Variants in SH3GL2 observed in about 807,000 individuals in gnomAD.
SH3GL2 encodes SH3 domain containing GRB2 like 2, endophilin A1, also known as endophilin-A1.
In SH3GL2, 24 loss-of-function variants were observed where a neutral mutation model predicts 46.0. That is an observed-to-expected ratio of 0.52 (90% CI 0.38 to 0.73). SH3GL2 has a LOEUF of 0.73. SH3GL2 is among the 30% of genes least tolerant of loss of function. The pLI, the probability that SH3GL2 is intolerant of heterozygous loss-of-function variation, is 0.00. For synonymous variants in SH3GL2, 196 were observed against 147.1 expected (o/e 1.33, Z -2.40); for missense variants, 413 against 424.2 (o/e 0.97, Z 0.23).
chr9:17,795,352 TG>T (rs1386827666), intron 8 of SH3GL2, among the ~76,000 whole-genome samples, 191 bp from the exon 9 acceptor site: 2 of 152,072 alleles, frequency 1.3e-5, no homozygotes, highest in East Asian at 3.9e-4. Context: ...TTCTGAGGAT[TG>T]GTAGAGGGCA....
At chr9:17,641,760 G>C (rs1028063431) in intron 1 of SH3GL2, among the ~76,000 whole-genome samples, 2 of 152,152 alleles carry the variant, frequency 1.3e-5, no homozygotes, top group African/African-American at 4.8e-5. Flanking sequence ...TCCCTGCAAA[G>C]GATATGAACT....
chr9:17,688,283 G>T (rs1005885951), intron 1 of SH3GL2, among the ~76,000 whole-genome samples: 2 of 151,912 alleles, frequency 1.3e-5, no homozygotes, highest in Non-Finnish European at 2.9e-5. Flanking sequence ...TTGCCTTTTG[G>T]GGAGTTATTT....
At chr9:17,787,246 T>C in intron 4 of SH3GL2, 134 bp from the exon 5 acceptor site, 1 of 683,902 alleles carries the variant, frequency 1.5e-6, no homozygotes, top group Non-Finnish European at 2.6e-6. Flanking sequence ...GAACTGAAGA[T>C]ACCTATTCTC....
Position 17,583,975 on chromosome 9 carries a change from C to A in SH3GL2, c.45+4688C>A, listed in dbSNP as rs137993102. On this transcript the variant is annotated intron_variant, in intron 1 of 8. Coordinates refer to ENST00000380607, the MANE Select transcript of SH3GL2 (RefSeq NM_003026.5). ...TTCTTAATTGCCTCTAAGCAGTCAA[C>A]TCTCTGCTGCCTTTAAAATCTTGGC... Among the ~76,000 whole-genome samples the A allele has an allele frequency of 6.2e-3, 939 of 152,306 alleles. 4 individuals carry two copies. Among genetic ancestry groups the A allele is most frequent in the Middle Eastern group, 0.027 (8 of 294 alleles).
intron 1 of SH3GL2, among the ~76,000 whole-genome samples, chr9:17,619,347 A>G (rs1440012697): frequency 1.3e-5 from 2 of 152,174 alleles, no homozygotes; most frequent in African/African-American, 4.8e-5. Flanking sequence ...AATATTTTCA[A>G]AAAACCTGAT....
intron 1 of SH3GL2, among the ~76,000 whole-genome samples, chr9:17,679,347 C>T (rs1395491862): frequency 1.3e-5 from 2 of 152,170 alleles, no homozygotes; most frequent in East Asian, 3.8e-4. Flanking sequence ...AGGTCCTTCA[C>T]ATCCCTTGTA....
At chr9:17,758,561 C>CAAAAAAAAAAA (rs57019804) in intron 2 of SH3GL2, among the ~76,000 whole-genome samples, 759 of 29,216 alleles carry the variant, frequency 0.026, 233 homozygotes, top group East Asian at 0.099. Context: ...GACCCTGTCT[C>CAAAAAAAAAAA]AAAAAAAAAA....
At chr9:17,584,948 T>C (rs1588155981) in intron 1 of SH3GL2, among the ~76,000 whole-genome samples, 1 of 152,228 alleles carries the variant, frequency 6.6e-6, no homozygotes, top group African/African-American at 2.4e-5. Flanking sequence ...TTGGTTTCAG[T>C]CTACTTAGAA....
At chr9:17,594,128 G>C (rs1818530787) in intron 1 of SH3GL2, among the ~76,000 whole-genome samples, 1 of 152,090 alleles carries the variant, frequency 6.6e-6, no homozygotes, top group Non-Finnish European at 1.5e-5. Context: ...GCTCCTTATG[G>C]CTCCCAGGAT....
chr9:17,679,397 T>G (rs200570536), intron 1 of SH3GL2, among the ~76,000 whole-genome samples: 7 of 152,126 alleles, frequency 4.6e-5, no homozygotes, highest in Admixed American at 2.6e-4. Flanking sequence ...TGAAGCAACT[T>G]TGAATGGGAG....
intron 1 of SH3GL2, among the ~76,000 whole-genome samples, chr9:17,637,385 GA>G (rs1245547235): frequency 6.6e-6 from 1 of 152,110 alleles, no homozygotes; most frequent in Non-Finnish European, 1.5e-5. Flanking sequence ...TGGGGACATT[GA>G]ATTCCCATAA....
At chr9:17,673,108 C>T (rs540868641) in intron 1 of SH3GL2, among the ~76,000 whole-genome samples, 1 of 151,954 alleles carries the variant, frequency 6.6e-6, no homozygotes, top group East Asian at 1.9e-4. Context: ...ATAAATCTTC[C>T]CTCTCTTCTA....
At chr9:17,676,760 C>T (rs2118005646) in intron 1 of SH3GL2, among the ~76,000 whole-genome samples, 1 of 152,270 alleles carries the variant, frequency 6.6e-6, no homozygotes, top group East Asian at 1.9e-4. Context: ...TTGCTGGCAC[C>T]ATCTTCACTG....
At chr9:17,595,697 A>G (rs1247299824) in intron 1 of SH3GL2, among the ~76,000 whole-genome samples, 3 of 152,158 alleles carry the variant, frequency 2.0e-5, no homozygotes, top group South Asian at 2.1e-4. Context: ...CTCTACAGCT[A>G]TTTTATCTAT....
chr9:17,744,131 A>G (rs1277261325), intron 1 of SH3GL2, among the ~76,000 whole-genome samples: 1 of 152,208 alleles, frequency 6.6e-6, no homozygotes, highest in Non-Finnish European at 1.5e-5. Flanking sequence ...ATTCAGCTAG[A>G]TTAGAGTTTC....
At chr9:17,588,532 G>A (rs1372389701) in intron 1 of SH3GL2, among the ~76,000 whole-genome samples, 1 of 152,166 alleles carries the variant, frequency 6.6e-6, no homozygotes, top group Non-Finnish European at 1.5e-5. Context: ...TTTAAAGAGG[G>A]AGGGGCCATG....
intron 3 of SH3GL2, among the ~76,000 whole-genome samples, chr9:17,781,828 A>G (rs1182911883): frequency 6.6e-6 from 1 of 151,846 alleles, no homozygotes. Context: ...CTCGAGCATC[A>G]TCTGTTCATT....
intron 1 of SH3GL2, among the ~76,000 whole-genome samples, chr9:17,681,080 A>T (rs1447808667): frequency 6.6e-6 from 1 of 151,696 alleles, no homozygotes; most frequent in Admixed American, 6.6e-5. Flanking sequence ...TAAGTACAGA[A>T]CTCACACCAA....
intron 1 of SH3GL2, among the ~76,000 whole-genome samples, chr9:17,648,616 T>G (rs1018642988): frequency 7.9e-5 from 12 of 152,206 alleles, no homozygotes; most frequent in African/African-American, 2.9e-4. Flanking sequence ...ATAATAAATT[T>G]ATTTTCTAAA....
Sources: gnomAD v4.1 joint callset for allele counts (sites outside exome capture counted in the v4.1 genomes callset) on GRCh38, gnomAD v4.1.1 for gene constraint, MANE v1.5 for transcripts, NCBI Gene and HGNC (gene_info 2026-07-23, HGNC 2026-07-21) for gene names.